ETV1: variants seen among roughly 807,000 people sequenced by gnomAD.
The protein encoded by ETV1 is ETS translocation variant 1.
A neutral mutation model predicts 62.3 loss-of-function variants in ETV1; 27 were observed. The observed-to-expected ratio is 0.43, with a 90% confidence interval of 0.32 to 0.60. The LOEUF is 0.60. ETV1 is among the 20% of genes least tolerant of loss of function. The pLI, the probability that ETV1 is intolerant of heterozygous loss-of-function variation, is 0.06. For missense variants in ETV1, 605 were observed against 605.8 expected, an observed-to-expected ratio of 1.00 and a Z score of 0.01; for synonymous variants, 222 against 199.6, an observed-to-expected ratio of 1.11 and a Z score of -0.94.
At chr7:13,984,162 C>T (rs1434356083) in intron 5 of ETV1, among the ~76,000 whole-genome samples, 1 of 151,940 alleles carries the variant, frequency 6.6e-6, no homozygotes, top group Non-Finnish European at 1.5e-5. Context: ...TTTAACTTCC[C>T]AGTGGAATTC....
chr7:13,941,820 G>A (rs1350511597), intron 6 of ETV1, among the ~76,000 whole-genome samples: 4 of 150,732 alleles, frequency 2.7e-5, no homozygotes, highest in Non-Finnish European at 4.4e-5. Context: ...CCGAGATCGC[G>A]GCAGTGCACT....
intron 13 of ETV1, among the ~76,000 whole-genome samples, chr7:13,899,413 C>T (rs752229189): frequency 1.3e-5 from 2 of 152,182 alleles, no homozygotes; most frequent in African/African-American, 4.8e-5. Flanking sequence ...GAAGTTCTAA[C>T]GTCTGAGCCA....
At chr7:13,960,228 C>A (rs1459102175) in intron 6 of ETV1, among the ~76,000 whole-genome samples, 1 of 152,166 alleles carries the variant, frequency 6.6e-6, no homozygotes, top group Non-Finnish European at 1.5e-5. Context: ...CCAACTCTTT[C>A]ATGGCTAAAT....
chr7:13,966,511 A>G (rs1780304387), intron 6 of ETV1, among the ~76,000 whole-genome samples: 1 of 151,932 alleles, frequency 6.6e-6, no homozygotes, highest in Non-Finnish European at 1.5e-5. Flanking sequence ...GTGCATGCCT[A>G]TGGTCTCAGG....
chr7:13,909,769 A>G (rs1783376914), intron 10 of ETV1, 69 bp from the exon 11 acceptor site: 1 of 1,287,804 alleles, frequency 7.8e-7, no homozygotes, highest in African/African-American at 1.5e-5. Context: ...AAATATAACC[A>G]TTTAACATAA....
rs1290595208 is a variant in ETV1, at chr7:13,893,736, T to C, written c.*2130A>G. 2 of 232,850 alleles carry C rather than the reference T, an allele frequency of 8.6e-6. No homozygotes were observed. Among genetic ancestry groups the C allele is most frequent in the East Asian group, 1.2e-4 (2 of 16,372 alleles). 14.4% of individuals were successfully genotyped at this position (232,850 alleles called of 1,614,324 possible). A position where few individuals can be genotyped will look rare whatever the true frequency, so the allele number is the denominator to read the frequency against. On this transcript the variant is annotated 3_prime_UTR_variant, in exon 14 of 14. Coordinates refer to ENST00000430479, the MANE Select transcript of ETV1 (RefSeq NM_004956.5). ...TCAATTTCACCAAATCTCAATTATA[T>C]ATCTCAATTCCTTTTTCCAATAAAA...
At chr7:13,915,757 ATTTT>A (rs3839720) in intron 9 of ETV1, among the ~76,000 whole-genome samples, 3 of 147,720 alleles carry the variant, frequency 2.0e-5, no homozygotes, top group Non-Finnish European at 4.5e-5. Flanking sequence ...AATGGAAATA[ATTTT>A]TTTTTTTTTA....
intron 6 of ETV1, among the ~76,000 whole-genome samples, chr7:13,967,832 ATGAGGTGGT>A (rs1477523062): frequency 6.6e-6 from 1 of 152,104 alleles, no homozygotes; most frequent in Non-Finnish European, 1.5e-5. Context: ...TACATATTCT[ATGAGGTGGT>A]AGCCCCCAAA....
At chr7:13,948,820 G>A (rs1788464391) in intron 6 of ETV1, among the ~76,000 whole-genome samples, 1 of 152,170 alleles carries the variant, frequency 6.6e-6, no homozygotes, top group South Asian at 2.1e-4. Flanking sequence ...ACCTGCTAGT[G>A]ACAGAGACAG....
intron 6 of ETV1, among the ~76,000 whole-genome samples, chr7:13,960,032 G>A (rs1485387333): frequency 6.6e-6 from 1 of 151,648 alleles, no homozygotes; most frequent in Non-Finnish European, 1.5e-5. Flanking sequence ...TAAAGAGCAG[G>A]CTCTTTCACA....
chr7:13,909,281 G>A (rs1192616920), intron 11 of ETV1, among the ~76,000 whole-genome samples: 1 of 152,120 alleles, frequency 6.6e-6, no homozygotes, highest in African/African-American at 2.4e-5. Context: ...CACGTTTTCT[G>A]CTCTGCTTTG....
intron 6 of ETV1, among the ~76,000 whole-genome samples, chr7:13,973,664 G>T (rs542938851): frequency 1.1e-4 from 16 of 151,328 alleles, no homozygotes; most frequent in South Asian, 2.1e-4. Context: ...TAAATTAGGC[G>T]ATTTCAGACT....
chr7:13,989,647 T>G lies in ETV1; in HGVS notation c.-369A>C. On this transcript the variant is annotated 5_prime_UTR_variant, in exon 1 of 14. Coordinates refer to ENST00000430479, the MANE Select transcript of ETV1 (RefSeq NM_004956.5). Reference sequence around the variant, plus strand: ...TAATTATAGCCCAGCACTTCCCCCTTGGAAGCCGAAAGCGCCTCTGACAGA... The same window carrying G: ...TAATTATAGCCCAGCACTTCCCCCTGGGAAGCCGAAAGCGCCTCTGACAGA... 2.5e-6 allele frequency: 1 copy of G among 399,012 alleles called. No individual in the cohort carries two copies. Among genetic ancestry groups the G allele is most frequent in the Non-Finnish European group, 4.4e-6 (1 of 226,090 alleles). The allele number at this position is 399,012 out of a possible 1,614,324, so 24.7% of individuals were successfully genotyped here. A position where few individuals can be genotyped will look rare whatever the true frequency, so the allele number is the denominator to read the frequency against.
intron 7 of ETV1, among the ~76,000 whole-genome samples, chr7:13,936,170 A>C (rs1175831965): frequency 6.6e-6 from 1 of 152,200 alleles, no homozygotes; most frequent in Non-Finnish European, 1.5e-5. Context: ...GTACAGGGAA[A>C]ATTACGTCCA....
intron 6 of ETV1, among the ~76,000 whole-genome samples, chr7:13,956,205 T>C (rs984749594): frequency 6.6e-5 from 10 of 152,164 alleles, no homozygotes; most frequent in African/African-American, 2.4e-4. Flanking sequence ...ACCTAAGAAA[T>C]GTTCTTAATT....
At chr7:13,946,499 T>C (rs2128467228) in intron 6 of ETV1, among the ~76,000 whole-genome samples, 1 of 152,352 alleles carries the variant, frequency 6.6e-6, no homozygotes, top group South Asian at 2.1e-4. Context: ...GGTTATGGTA[T>C]TCCTCATGAA....
At chr7:13,933,980 T>C (rs879038765) in intron 8 of ETV1, among the ~76,000 whole-genome samples, 3 of 152,192 alleles carry the variant, frequency 2.0e-5, no homozygotes, top group Admixed American at 2.0e-4. Context: ...AAGCGAATTA[T>C]ACAATCTATA....
chr7:13,977,418 T>G lies in ETV1; in HGVS notation c.235+9A>C. 1 of 1,515,230 alleles carries G rather than the reference T, an allele frequency of 6.6e-7. No individual in the cohort carries two copies. Among genetic ancestry groups the G allele is most frequent in the Non-Finnish European group, 9.0e-7 (1 of 1,115,530 alleles). 93.9% of individuals were successfully genotyped at this position (1,515,230 alleles called of 1,614,324 possible). A position where few individuals can be genotyped will look rare whatever the true frequency, so the allele number is the denominator to read the frequency against. On this transcript the variant is annotated intron_variant, in intron 6 of 13. Coordinates refer to ENST00000430479, the MANE Select transcript of ETV1 (RefSeq NM_004956.5). The stretch of plus-strand genomic sequence containing the variant: ...GAAAAATACAAGAGATGAGTCATAC[T>G]ATACTTACAACTTTCAGCCTGATAG...
intron 6 of ETV1, among the ~76,000 whole-genome samples, chr7:13,954,178 A>G (rs1298640072): frequency 6.6e-6 from 1 of 152,256 alleles, no homozygotes; most frequent in East Asian, 1.9e-4. Context: ...ATGTATTAAC[A>G]TGAAATAAAA....
Sources: gnomAD v4.1 joint callset for allele counts (sites outside exome capture counted in the v4.1 genomes callset) on GRCh38, gnomAD v4.1.1 for gene constraint, MANE v1.5 for transcripts, NCBI Gene and HGNC (gene_info 2026-07-23, HGNC 2026-07-21) for gene names.